TBC1D9: variants seen among roughly 807,000 people sequenced by gnomAD.
TBC1D9 encodes the protein TBC1 domain family member 9.
A neutral mutation model predicts 132.0 loss-of-function variants in TBC1D9; 63 were observed. The ratio of observed to expected loss-of-function variants is 0.48; its 90% CI spans 0.39 to 0.59. The LOEUF is 0.59. Ranked by LOEUF, TBC1D9 falls within the 20% of genes least tolerant of loss-of-function variation. The probability of loss-of-function intolerance (pLI) is 0.00; values close to 1 mark genes in which losing one functional copy is unlikely to be tolerated. For synonymous variants in TBC1D9, 610 were observed against 609.9 expected, an observed-to-expected ratio of 1.00 and a Z score of 0.00; for missense variants, 1,261 against 1,592.7, an observed-to-expected ratio of 0.79 and a Z score of 3.54.
At chr4:140,744,324 C>A (rs1245180502) in intron 1 of TBC1D9, among the ~76,000 whole-genome samples, 1 of 152,134 alleles carries the variant, frequency 6.6e-6, no homozygotes, top group Non-Finnish European at 1.5e-5. Flanking sequence ...TGAATGGACC[C>A]TTTCTCTCAG....
intron 6 of TBC1D9, among the ~76,000 whole-genome samples, chr4:140,676,007 C>A (rs528409479): frequency 6.6e-6 from 1 of 152,342 alleles, no homozygotes; most frequent in South Asian, 2.1e-4. Flanking sequence ...GGAGCCCACA[C>A]CTCAACCACT....
intron 1 of TBC1D9, 79 bp from the exon 2 acceptor site, chr4:140,701,693 C>T: frequency 9.3e-7 from 1 of 1,080,032 alleles, no homozygotes; most frequent in Non-Finnish European, 1.4e-6. Context: ...CATGAACATG[C>T]CCTTTCATGA....
In TBC1D9 at chr4:140,676,906, G is replaced by T. The variant is rs1319234742; in HGVS notation, c.1047C>A (p.Ile349=). The change falls in exon 6 of 21, where the codon ATC becomes ATA. Residue 349 remains isoleucine (I), a synonymous_variant. Transcript: ENST00000442267. ...SKEENLCSLI[I]PLREVTIVEK... ...ATCAGATACTTACCTCACGGAGCGG[G>T]ATAATGAGGCTACATAAGTTCTCCT... 3 of 1,613,820 alleles carry T rather than the reference G, an allele frequency of 1.9e-6. No individual in the cohort carries two copies. The highest frequency in any genetic ancestry group is 2.5e-6 in the Non-Finnish European group (3 of 1,179,870).
intron 1 of TBC1D9, among the ~76,000 whole-genome samples, chr4:140,717,358 A>G (rs1050729075): frequency 2.0e-5 from 3 of 152,244 alleles, no homozygotes; most frequent in African/African-American, 7.2e-5. Flanking sequence ...TAAAAACAAC[A>G]ACATTTAAGC....
chr4:140,625,413 A>G (rs1263495814), intron 18 of TBC1D9, among the ~76,000 whole-genome samples: 1 of 152,218 alleles, frequency 6.6e-6, no homozygotes, highest in East Asian at 1.9e-4. Flanking sequence ...GGACTTCAAA[A>G]TAGAGAGGTG....
At position 140,622,745 on chromosome 4, in the gene TBC1D9, C is replaced by T; in HGVS notation, c.3251G>A (p.Gly1084Glu). The T allele has an allele frequency of 5.0e-6, 8 of 1,606,948 alleles. No individual in the cohort carries two copies. Among genetic ancestry groups the T allele is most frequent in the Non-Finnish European group, 5.1e-6 (6 of 1,179,738 alleles). The change falls in exon 21 of 21, where the codon GGG becomes GAG. Residue 1084 changes from glycine to glutamate, a missense_variant. Around this residue, in one of 3 missense-constraint regions of TBC1D9, gnomAD observed 618 missense variants for 724.4 expected, o/e 0.85. Coordinates refer to ENST00000442267, the MANE Select transcript of TBC1D9 (RefSeq NM_015130.3). ...TGGGATGCCCTGGTGGCAGGACGGC[C>T]CACTGCCTCCGCTCCCGCCCTCCTT... ...PAKEGGSGGSGPSCHQGIPGV... is the reference protein window; with the variant it reads ...PAKEGGSGGSEPSCHQGIPGV...
At chr4:140,751,138 G>A (rs973297107) in intron 1 of TBC1D9, among the ~76,000 whole-genome samples, 3 of 152,108 alleles carry the variant, frequency 2.0e-5, no homozygotes, top group Admixed American at 6.6e-5. Context: ...TAAAAGTACA[G>A]TACACAATTA....
At chr4:140,686,167 C>T (rs1560885417) in intron 3 of TBC1D9, among the ~76,000 whole-genome samples, 177 bp downstream of exon 3, 1 of 152,094 alleles carries the variant, frequency 6.6e-6, no homozygotes, top group Non-Finnish European at 1.5e-5. Context: ...AAAATACACA[C>T]TGAAGTATTC....
At chr4:140,734,190 C>T (rs2111071041) in intron 1 of TBC1D9, among the ~76,000 whole-genome samples, 1 of 152,252 alleles carries the variant, frequency 6.6e-6, no homozygotes, top group South Asian at 2.1e-4. Context: ...GGCTGGAGTG[C>T]AGTAGCACTT....
intron 13 of TBC1D9, 107 bp from the exon 14 acceptor site, chr4:140,639,535 C>A: frequency 1.3e-6 from 1 of 772,844 alleles, no homozygotes; most frequent in African/African-American, 1.7e-5. Flanking sequence ...GAAATGACTT[C>A]TCATATGATG....
chr4:140,627,450 ATTCTGG>A lies in TBC1D9; in HGVS notation c.2884_2889del (p.Pro962_Glu963del). The A allele has an allele frequency of 6.2e-7, 1 of 1,602,520 alleles. No individual in the cohort carries two copies. The highest frequency in any genetic ancestry group is 8.5e-7 in the Non-Finnish European group (1 of 1,171,022). ...GAGAAAAGTCACTTACCATGTGTAC[ATTCTGG>A]GGTAATATCTTCAAAGAAGTACTGA... On this transcript the variant is annotated inframe_deletion, in exon 18 of 21. Coordinates refer to ENST00000442267, the MANE Select transcript of TBC1D9 (RefSeq NM_015130.3).
intron 20 of TBC1D9, among the ~76,000 whole-genome samples, chr4:140,623,802 A>G (rs188561302): frequency 1.7e-3 from 261 of 152,340 alleles, no homozygotes; most frequent in African/African-American, 5.7e-3. Flanking sequence ...ATAGCTAAGC[A>G]CGGTGATCTG....
chr4:140,654,489 C>T (rs770718461), intron 13 of TBC1D9, among the ~76,000 whole-genome samples: 19 of 148,630 alleles, frequency 1.3e-4, no homozygotes, highest in Non-Finnish European at 1.9e-4. Context: ...GGGGGTACTA[C>T]GAATTAAAGA....
intron 2 of TBC1D9, among the ~76,000 whole-genome samples, chr4:140,689,228 T>A (rs981271357): frequency 1.3e-5 from 2 of 152,134 alleles, no homozygotes; most frequent in African/African-American, 4.8e-5. Flanking sequence ...TTGACTGGTA[T>A]CTCACCATGC....
At chr4:140,627,002 A>C (rs2110964368) in intron 18 of TBC1D9, among the ~76,000 whole-genome samples, 1 of 152,362 alleles carries the variant, frequency 6.6e-6, no homozygotes, top group African/African-American at 2.4e-5. Flanking sequence ...AACCATTCTT[A>C]GTTCACAGGC....
rs193275508 is a variant in TBC1D9 at position 140,641,015 on chromosome 4, A to G, written c.2338-1587T>C. On this transcript the variant is annotated intron_variant, in intron 13 of 20. Transcript: ENST00000442267. ...GCACAGAATGGATAAAGAAATGGCA[A>G]TATCATCACATAATCAACTATTTTG... Among the ~76,000 whole-genome samples, 126 of 150,998 alleles carry G rather than the reference A, an allele frequency of 8.3e-4. 1 individual carries two copies. The highest frequency in any genetic ancestry group is 1.3e-3 in the Non-Finnish European group (89 of 67,848).
chr4:140,655,460 T>C (rs891747307), intron 13 of TBC1D9, among the ~76,000 whole-genome samples: 2 of 152,222 alleles, frequency 1.3e-5, no homozygotes, highest in African/African-American at 4.8e-5. Context: ...ACTTTGTTGC[T>C]AGCTGGAATA....
chr4:140,657,896 T>C, intron 11 of TBC1D9, 84 bp from the exon 12 acceptor site: 3 of 1,446,928 alleles, frequency 2.1e-6, no homozygotes, highest in Non-Finnish European at 2.8e-6. Flanking sequence ...ACTTGACTGC[T>C]AGCACAGGAC....
intron 15 of TBC1D9, among the ~76,000 whole-genome samples, chr4:140,637,583 T>C (rs1736900731): frequency 6.6e-6 from 1 of 152,224 alleles, no homozygotes; most frequent in African/African-American, 2.4e-5. Context: ...ACGTTTCTTC[T>C]GGTCCTCAGC....
Sources: gnomAD v4.1 joint callset for allele counts (sites outside exome capture counted in the v4.1 genomes callset) on GRCh38, gnomAD v4.1.1 for gene constraint, gnomAD v4.1.1 regional missense constraint, MANE v1.5 for transcripts, NCBI Gene and HGNC (gene_info 2026-07-23, HGNC 2026-07-21) for gene names.